GPR132: variants seen among roughly 807,000 people sequenced by gnomAD.
The protein encoded by GPR132 is probable G protein-coupled receptor 132.
In GPR132, 4 loss-of-function variants were observed where a neutral mutation model predicts 1.9. That is an observed-to-expected ratio of 2.13 (90% CI 1.05 to 4.87). The LOEUF (loss-of-function observed/expected upper bound fraction) is 4.87, where lower values mean the gene tolerates loss of function less well. Among genes scored for constraint, GPR132 ranks in the 30% most tolerant of loss-of-function variants. The pLI is 0.01. For synonymous variants in GPR132, 233 were observed against 234.2 expected (o/e 0.99, Z 0.05); for missense variants, 404 against 512.5 (o/e 0.79, Z 2.04).
At position 105,056,424 on chromosome 14, in the gene GPR132, T is replaced by C. The variant is rs1886795702; in HGVS notation, c.-746-258A>G. Reference sequence around the variant, plus strand: ...CCCCTACACGGCCCCGTCTCTTTCATGACAATCACAGGCCCTGGGAGGCAG... The same window carrying C: ...CCCCTACACGGCCCCGTCTCTTTCACGACAATCACAGGCCCTGGGAGGCAG... On this transcript the variant is annotated intron_variant, in intron 2 of 3. Coordinates refer to ENST00000329797, the MANE Select transcript of GPR132 (RefSeq NM_013345.4). This position sits in a 1 kb window ranked among gnomAD's most constrained non-coding sequence, Gnocchi z 6.0. 6.6e-6 allele frequency among the ~76,000 whole-genome samples: 1 copy of C among 152,128 alleles called. No individual in the cohort carries two copies. Among genetic ancestry groups the C allele is most frequent in the East Asian group, 1.9e-4 (1 of 5,194 alleles).
In GPR132 at chr14:105,060,974, C is replaced by T. The variant is rs1886926728; in HGVS notation, c.-860-3694G>A. Among the ~76,000 whole-genome samples the T allele has an allele frequency of 2.0e-5, 3 of 152,386 alleles. No homozygotes were observed. The South Asian group carries it at 6.2e-4, about 32-fold the overall frequency. ...AGCAGAGACTAGCCAGGGGCAGAGC[C>T]GGAGCCACCTTCCCATCCAGCTGGT... is the stretch of plus-strand genomic sequence containing the variant. On this transcript the variant is annotated intron_variant, in intron 1 of 3. Transcript: ENST00000329797. The surrounding 1 kb of genome is among the most constrained non-coding windows in gnomAD (Gnocchi z 6.3).
In GPR132 at chr14:105,051,297, G is replaced by A. The variant is rs775295523; in HGVS notation, c.840C>T (p.Cys280=). Residue 280 remains cysteine, a synonymous_variant, in exon 4 of 4, where the codon TGC becomes TGT. Transcript: ENST00000329797. This position sits in a 1 kb window ranked among gnomAD's most constrained non-coding sequence, Gnocchi z 8.0. ...CTGTGTACAGCCTTTCCTCCAAGCC[G>A]CACATGGCGTTCCTGTCTCCTCTGT... ...SYYRGDRNAM[C]GLEERLYTAS... is the part of the protein sequence containing the mutation. 9.3e-6 allele frequency: 15 copies of A among 1,613,954 alleles called. No homozygotes were observed. The highest frequency in any genetic ancestry group is 8.3e-5 in the Admixed American group (5 of 60,014).
intron 1 of GPR132, chr14:105,057,511 C>CT (rs11299805): frequency 0.019 from 1,690 of 88,846 alleles, 59 homozygotes; most frequent in East Asian, 0.13. Flanking sequence ...ACATACGATT[C>CT]TTTTTTTTTT....
At position 105,057,191 on chromosome 14, in the gene GPR132, C is replaced by G. The variant is rs1478983327; in HGVS notation, c.-771G>C. 6.6e-7 allele frequency: 1 copy of G among 1,525,780 alleles called. No homozygotes were observed. Among genetic ancestry groups the G allele is most frequent in the East Asian group, 2.4e-5 (1 of 40,874 alleles). The allele number at this position is 1,525,780 out of a possible 1,614,324, so 94.5% of individuals were successfully genotyped here. Reference sequence around the variant, plus strand: ...CCTGGCATATTTTGCGGGTTCCAATCTCAGTGTGGCTCTAAGATAAGCTTT... The same window carrying G: ...CCTGGCATATTTTGCGGGTTCCAATGTCAGTGTGGCTCTAAGATAAGCTTT... On this transcript the variant is annotated 5_prime_UTR_variant, in exon 2 of 4. Coordinates refer to ENST00000329797, the MANE Select transcript of GPR132 (RefSeq NM_013345.4).
rs1566731692 is a variant in GPR132 at position 105,050,969 on chromosome 14, GCCAT to G, written c.*21_*24del. The G allele has an allele frequency of 6.3e-7, 1 of 1,598,000 alleles. No homozygotes were observed. The highest frequency in any genetic ancestry group is 1.1e-5 in the South Asian group (1 of 90,340). ...TTGCTGGCCCCAGGACCCCCAACCTGCCATCCCCCTGCCACACAGTGGGCTCAGC... is the reference window on the plus strand; with the variant it reads ...TTGCTGGCCCCAGGACCCCCAACCTGCCCCCTGCCACACAGTGGGCTCAGC... On this transcript the variant is annotated 3_prime_UTR_variant, in exon 4 of 4. Transcript: ENST00000329797. The surrounding 1 kb of genome is among the most constrained non-coding windows in gnomAD (Gnocchi z 4.0).
rs574822174 is a variant in GPR132 at position 105,064,797 on chromosome 14, G to A, written c.-861+582C>T. 9.2e-5 allele frequency among the ~76,000 whole-genome samples: 14 copies of A among 152,242 alleles called. 1 individual carries two copies. In the South Asian group the frequency reaches 2.9e-3, roughly 32 times the overall value. On this transcript the variant is annotated intron_variant, in intron 1 of 3. Transcript: ENST00000329797. ...TCATGCACTTGACAGAAGGTATTGG[G>A]CCCCCCGCCCCGCTGTGCCTGGTGC...
In GPR132 at chr14:105,056,654, C is replaced by T. The variant is rs886246634; in HGVS notation, c.-746-488G>A. On this transcript the variant is annotated intron_variant, in intron 2 of 3. Coordinates refer to ENST00000329797, the MANE Select transcript of GPR132 (RefSeq NM_013345.4). This position sits in a 1 kb window ranked among gnomAD's most constrained non-coding sequence, Gnocchi z 6.0. ...CCCGCACCCCCTGCTCCAGGCCTCA[C>T]GCAGCCTTGGGACCTTCACCTCTGG... Among the ~76,000 whole-genome samples the T allele has an allele frequency of 1.3e-5, 2 of 152,228 alleles. No homozygotes were observed. Among genetic ancestry groups the T allele is most frequent in the African/African-American group, 2.4e-5 (1 of 41,468 alleles).
chr14:105,055,864 C>T lies in GPR132; in HGVS notation c.-444G>A, dbSNP rs7157567. ...GGCGTGTTCTGCTCAGCCACGACTCCGCTGACAGACGCTCGGCTGCCTCTG... is the reference window on the plus strand; with the variant it reads ...GGCGTGTTCTGCTCAGCCACGACTCTGCTGACAGACGCTCGGCTGCCTCTG... On this transcript the variant is annotated 5_prime_UTR_variant, in exon 3 of 4. Coordinates refer to ENST00000329797, the MANE Select transcript of GPR132 (RefSeq NM_013345.4). The surrounding 1 kb of genome is among the most constrained non-coding windows in gnomAD (Gnocchi z 4.7). 0.56 allele frequency: 93,823 copies of T among 166,670 alleles called. 29,518 individuals carry two copies. The highest frequency in any genetic ancestry group is 0.71 in the Non-Finnish European group (55,363 of 77,848). The allele number at this position is 166,670 out of a possible 1,614,324, so 10.3% of individuals were successfully genotyped here.
rs371550416 is a variant in GPR132 at position 105,050,791 on chromosome 14, G to A, written c.*203C>T. On this transcript the variant is annotated 3_prime_UTR_variant, in exon 4 of 4. Coordinates refer to ENST00000329797, the MANE Select transcript of GPR132 (RefSeq NM_013345.4). The surrounding 1 kb of genome is among the most constrained non-coding windows in gnomAD (Gnocchi z 4.0). ...GGGCTCCCGGAAGCCTGGAGGTGTC[G>A]CTCCTCCCCTTGGCATGCAGCCACC... 3.2e-5 allele frequency: 19 copies of A among 587,808 alleles called. No individual in the cohort carries two copies. The highest frequency in any genetic ancestry group is 1.1e-4 in the African/African-American group (6 of 53,874). The allele number at this position is 587,808 out of a possible 1,614,324, so 36.4% of individuals were successfully genotyped here.
At position 105,050,998 on chromosome 14, in the gene GPR132, C is replaced by T; in HGVS notation, c.1139G>A (p.Cys380Tyr). The part of the protein sequence containing the change: ...CPAKRLIEES[C>Y] The stretch of plus-strand genomic sequence containing the variant: ...TCCCCCTGCCACACAGTGGGCTCAG[C>T]AGGACTCCTCAATCAGCCTCTTTGC... The change falls in exon 4 of 4, where the codon TGC becomes TAC. Residue 380 changes from cysteine to tyrosine, a missense_variant. By Grantham distance (194) the Cys-to-Tyr change is radical. Transcript: ENST00000329797. This position sits in a 1 kb window ranked among gnomAD's most constrained non-coding sequence, Gnocchi z 4.0. 6.2e-7 allele frequency: 1 copy of T among 1,611,044 alleles called. No homozygotes were observed. Among genetic ancestry groups the T allele is most frequent in the Non-Finnish European group, 8.5e-7 (1 of 1,177,526 alleles).
chr14:105,059,829 A>G lies in GPR132; in HGVS notation c.-860-2549T>C, dbSNP rs1886895251. On this transcript the variant is annotated intron_variant, in intron 1 of 3. Transcript: ENST00000329797. This position sits in a 1 kb window ranked among gnomAD's most constrained non-coding sequence, Gnocchi z 4.2. ...ATTGAGACTTGTCTCGACGTTTTTT[A>G]ACAACTGGAAAAACAGGAAGCCACA... Among the ~76,000 whole-genome samples, 1 of 152,226 alleles carries G rather than the reference A, an allele frequency of 6.6e-6. No homozygotes were observed. Among genetic ancestry groups the G allele is most frequent in the Non-Finnish European group, 1.5e-5 (1 of 68,030 alleles).
Position 105,051,769 on chromosome 14 carries a change from A to C in GPR132, c.368T>G (p.Phe123Cys). 6.2e-7 allele frequency: 1 copy of C among 1,614,192 alleles called. No homozygotes were observed. Among genetic ancestry groups the C allele is most frequent in the Non-Finnish European group, 8.5e-7 (1 of 1,180,042 alleles). The change falls in exon 4 of 4, where the codon TTC becomes TGC. Residue 123 changes from phenylalanine to cysteine, a missense_variant. Physicochemically the swap from Phe to Cys is radical, Grantham distance 205. Transcript: ENST00000329797. The surrounding 1 kb of genome is among the most constrained non-coding windows in gnomAD (Gnocchi z 8.0). ...LACKVTAYIFFCNIYVSILFL... is the reference protein window; with the variant it reads ...LACKVTAYIFCCNIYVSILFL... ...GAGGATGCTGACGTAGATGTTGCAG[A>C]AGAAGATGTAGGCGGTCACCTTGCA... is the stretch of plus-strand genomic sequence containing the variant.
intron 1 of GPR132, among the ~76,000 whole-genome samples, chr14:105,064,833 A>C (rs1887042411): frequency 1.3e-5 from 2 of 151,568 alleles, no homozygotes; most frequent in South Asian, 4.2e-4. Flanking sequence ...GCCGAACGCC[A>C]CTCCAAAGGC....
rs572813083 is a variant in GPR132, at chr14:105,056,248, C to T, written c.-746-82G>A. 3 of 844,162 alleles carry T rather than the reference C, an allele frequency of 3.6e-6. No individual in the cohort carries two copies. The highest frequency in any genetic ancestry group is 1.8e-5 in the African/African-American group (1 of 54,400). 52.3% of individuals were successfully genotyped at this position (844,162 alleles called of 1,614,324 possible). A position where few individuals can be genotyped will look rare whatever the true frequency, so the allele number is the denominator to read the frequency against. On this transcript the variant is annotated intron_variant, in intron 2 of 3. Coordinates refer to ENST00000329797, the MANE Select transcript of GPR132 (RefSeq NM_013345.4). The surrounding 1 kb of genome is among the most constrained non-coding windows in gnomAD (Gnocchi z 6.0). The stretch of plus-strand genomic sequence containing the variant: ...CTTCGCCCAAGACACAGGCCTGTGG[C>T]GGGCGGCGGGGGGCAGTGAAGGCAG...
In GPR132 at chr14:105,060,293, G is replaced by A. The variant is rs980621395; in HGVS notation, c.-860-3013C>T. ...GCCCAAAACAGAGGGGTCAGTAGGT[G>A]AGGAAGCAGTGAGCCGGAACCAGGA... On this transcript the variant is annotated intron_variant, in intron 1 of 3. Coordinates refer to ENST00000329797, the MANE Select transcript of GPR132 (RefSeq NM_013345.4). This position sits in a 1 kb window ranked among gnomAD's most constrained non-coding sequence, Gnocchi z 6.3. Among the ~76,000 whole-genome samples the A allele has an allele frequency of 1.2e-4, 18 of 152,244 alleles. No homozygotes were observed. Among genetic ancestry groups the A allele is most frequent in the African/African-American group, 4.3e-4 (18 of 41,456 alleles).
At chr14:105,062,305 C>A (rs1351053780) in intron 1 of GPR132, among the ~76,000 whole-genome samples, 1 of 152,138 alleles carries the variant, frequency 6.6e-6, no homozygotes, top group South Asian at 2.1e-4. Flanking sequence ...CAAATGTGTC[C>A]CTGTCCAGCT....
rs546098931 is a variant in GPR132 at position 105,059,583 on chromosome 14, C to T, written c.-860-2303G>A. Among the ~76,000 whole-genome samples the T allele has an allele frequency of 4.0e-5, 6 of 151,702 alleles. No homozygotes were observed. Among genetic ancestry groups the T allele is most frequent in the South Asian group, 2.1e-4 (1 of 4,806 alleles). On this transcript the variant is annotated intron_variant, in intron 1 of 3. Transcript: ENST00000329797. The surrounding 1 kb of genome is among the most constrained non-coding windows in gnomAD (Gnocchi z 4.2). ...TTTGTCTCTCGCCTACCTGTGTAGG[C>T]GAGAGACAAATGGTTGGGAAGCCCC...
At position 105,057,658 on chromosome 14, in the gene GPR132, G is replaced by C. The variant is rs146070549; in HGVS notation, c.-860-378C>G. The stretch of plus-strand genomic sequence containing the variant: ...GCAGCAGCCTCTTGAGTAGCTGGGA[G>C]TACAGTCGCCTGCCACCACCCCCAG... On this transcript the variant is annotated intron_variant, in intron 1 of 3. Coordinates refer to ENST00000329797, the MANE Select transcript of GPR132 (RefSeq NM_013345.4). Among the ~76,000 whole-genome samples the C allele has an allele frequency of 1.4e-3, 212 of 148,986 alleles. 4 individuals are homozygous for C. In the East Asian group the frequency reaches 0.026, roughly 18 times the overall value.
At chr14:105,057,511 CTTTTTTTTTTTT>C (rs11299805) in intron 1 of GPR132, 4 of 88,860 alleles carry the variant, frequency 4.5e-5, no homozygotes, top group South Asian at 2.6e-4. Context: ...ACATACGATT[CTTTTTTTTTTTT>C]TTTTTTTTTT....
Sources: allele counts gnomAD v4.1 joint callset (sites outside exome capture counted in the v4.1 genomes callset), GRCh38; gene constraint gnomAD v4.1.1; non-coding constraint Gnocchi (gnomAD v3.1); transcripts MANE v1.5; gene names NCBI Gene and HGNC (gene_info 2026-07-23, HGNC 2026-07-21).